Variants in SASH1 observed in about 807,000 individuals in gnomAD.
SASH1 encodes SAM and SH3 domain-containing protein 1.
In SASH1, 44 loss-of-function variants were observed where a neutral mutation model predicts 125.2. The observed-to-expected ratio is 0.35, with a 90% CI of 0.28 to 0.45. The LOEUF (loss-of-function observed/expected upper bound fraction) is 0.45. Among genes scored for constraint, SASH1 ranks in the 20% least tolerant of loss-of-function variants. SASH1 has a pLI of 1.00. For missense variants in SASH1, 1,426 were observed against 1,614.5 expected, an observed-to-expected ratio of 0.88 and a Z score of 2.00; for synonymous variants, 639 against 649.1, an observed-to-expected ratio of 0.98 and a Z score of 0.24.
intron 4 of SASH1, among the ~76,000 whole-genome samples, chr6:148,441,861 T>C (rs1776560595): frequency 1.3e-5 from 2 of 152,226 alleles, no homozygotes; most frequent in African/African-American, 4.8e-5. Context: ...GCATGGCTCT[T>C]GTGGCTGAGA....
intron 8 of SASH1, among the ~76,000 whole-genome samples, chr6:148,507,802 T>A (rs777137085): frequency 3.3e-5 from 5 of 152,182 alleles, no homozygotes; most frequent in Non-Finnish European, 5.9e-5. Flanking sequence ...GCATTATACA[T>A]GAAGACTCAC....
At chr6:148,484,554 G>T (rs1485789654) in intron 7 of SASH1, among the ~76,000 whole-genome samples, 1 of 144,974 alleles carries the variant, frequency 6.9e-6, no homozygotes, top group Admixed American at 6.9e-5. Flanking sequence ...AATTACATGG[G>T]TTTTTTTTTT....
intron 4 of SASH1, among the ~76,000 whole-genome samples, chr6:148,456,341 C>T (rs1172517312): frequency 1.3e-5 from 2 of 152,176 alleles, no homozygotes; most frequent in Admixed American, 6.5e-5. Flanking sequence ...ACCGCCCGAG[C>T]GTGTGGCAGC....
Position 148,495,964 on chromosome 6 carries a change from T to C in SASH1, c.729+8249T>C, listed in dbSNP as rs1779292450. 6.6e-6 allele frequency among the ~76,000 whole-genome samples: 1 copy of C among 151,534 alleles called. No homozygotes were observed. The highest frequency in any genetic ancestry group is 1.5e-5 in the Non-Finnish European group (1 of 67,934). ...GATTCTCCTGCCTCAGCCTCCAGAG[T>C]AGCTGGGATTACAGGCGCACGCCAT... On this transcript the variant is annotated intron_variant, in intron 8 of 19. Transcript: ENST00000367467. This position sits in a 1 kb window ranked among gnomAD's most constrained non-coding sequence, Gnocchi z 4.0.
chr6:148,436,022 T>G (rs2114991473), intron 2 of SASH1, among the ~76,000 whole-genome samples: 1 of 152,316 alleles, frequency 6.6e-6, no homozygotes, highest in East Asian at 1.9e-4. Flanking sequence ...CCATTCCTCA[T>G]TTTGAAAACT....
intron 1 of SASH1, among the ~76,000 whole-genome samples, chr6:148,304,145 A>G (rs1582940605): frequency 6.6e-6 from 1 of 152,186 alleles, no homozygotes; most frequent in African/African-American, 2.4e-5. Context: ...TCTGCTAAAA[A>G]TACAAAAAAA....
At chr6:148,357,090 T>C (rs940241500) in intron 1 of SASH1, among the ~76,000 whole-genome samples, 1 of 152,224 alleles carries the variant, frequency 6.6e-6, no homozygotes, top group Admixed American at 6.5e-5. Context: ...ATTAGTTCTT[T>C]GTTGGGTGTA....
chr6:148,281,185 T>C (rs899389644), intron 1 of SASH1, among the ~76,000 whole-genome samples: 3 of 146,696 alleles, frequency 2.0e-5, no homozygotes, highest in Non-Finnish European at 3.0e-5. Context: ...CTGGATCTCC[T>C]GACCTCAAGT....
intron 4 of SASH1, among the ~76,000 whole-genome samples, chr6:148,452,507 C>G (rs1777146735): frequency 6.6e-6 from 1 of 152,228 alleles, no homozygotes; most frequent in Non-Finnish European, 1.5e-5. Context: ...GGCCTAGGCT[C>G]TGGAGCTGGA....
intron 1 of SASH1, among the ~76,000 whole-genome samples, chr6:148,367,745 C>T (rs552432712): frequency 6.6e-6 from 1 of 152,354 alleles, no homozygotes; most frequent in South Asian, 2.1e-4. Context: ...AGCTGCTGCC[C>T]CCATCCCCCT....
chr6:148,422,079 T>C (rs1017955111), intron 2 of SASH1, among the ~76,000 whole-genome samples: 1 of 151,982 alleles, frequency 6.6e-6, no homozygotes, highest in Non-Finnish European at 1.5e-5. Context: ...AGAGGAAGGG[T>C]TGGCTTTTCA....
chr6:148,205,332 C>G, the SASH1 span, among the ~76,000 whole-genome samples: 1 of 152,144 alleles, frequency 6.6e-6, no homozygotes, highest in African/African-American at 2.4e-5. Context: ...CTGGGCCTTG[C>G]GCTTGGTTGC....
chr6:148,266,192 T>C, the SASH1 span, among the ~76,000 whole-genome samples: 1 of 152,196 alleles, frequency 6.6e-6, no homozygotes, highest in African/African-American at 2.4e-5. Context: ...CAGGCTGGTC[T>C]CGAACTCCTG....
intron 4 of SASH1, among the ~76,000 whole-genome samples, chr6:148,447,645 CCTT>C (rs1442948322): frequency 2.6e-5 from 4 of 151,656 alleles, no homozygotes; most frequent in Non-Finnish European, 5.9e-5. Flanking sequence ...TCCTCCTCCT[CCTT>C]TTCCTCCTCT....
chr6:148,543,932 G>C lies in SASH1; in HGVS notation c.2462G>C (p.Ser821Thr), dbSNP rs1328613860. The C allele has an allele frequency of 6.2e-7, 1 of 1,614,210 alleles. No individual in the cohort carries two copies. Among genetic ancestry groups the C allele is most frequent in the Non-Finnish European group, 8.5e-7 (1 of 1,180,044 alleles). The stretch of plus-strand genomic sequence containing the variant: ...AGCCTCCCAGTTTCCATCTGCCGGA[G>C]CTGTGAGACCCTGGAGGGCCCCCAG... ...RRSLPVSICR[S>T]CETLEGPQTV... is the part of the protein sequence containing the mutation. Residue 821 changes from serine (S) to threonine (T), a missense_variant, in exon 18 of 20, where the codon AGC becomes ACC. Transcript: ENST00000367467.
chr6:148,450,631 G>A lies in SASH1; in HGVS notation c.386+10224G>A, dbSNP rs529007756. ...TCATTGTTGTTAACATCATCATAAC[G>A]TGGCTTCTCGGGTGATGTCTATGTA... On this transcript the variant is annotated intron_variant, in intron 4 of 19. Transcript: ENST00000367467. Among the ~76,000 whole-genome samples, 116 of 150,384 alleles carry A rather than the reference G, an allele frequency of 7.7e-4. 1 individual carries two copies. The highest frequency in any genetic ancestry group is 2.5e-3 in the African/African-American group (102 of 40,900).
intron 8 of SASH1, among the ~76,000 whole-genome samples, chr6:148,488,570 G>A (rs75886918): frequency 0.013 from 1,948 of 152,304 alleles, 41 homozygotes; most frequent in African/African-American, 0.045. Flanking sequence ...TTGAGGAACC[G>A]CCATATGTTT....
chr6:148,271,948 G>C (rs533461147), upstream of SASH1, among the ~76,000 whole-genome samples: 4 of 152,100 alleles, frequency 2.6e-5, no homozygotes, highest in Admixed American at 2.6e-4. Flanking sequence ...GGAGAAAGGG[G>C]CATTTGGATC....
Position 148,508,595 on chromosome 6 carries a change from C to T in SASH1, c.730-5729C>T, listed in dbSNP as rs887225846. On this transcript the variant is annotated intron_variant, in intron 8 of 19. Coordinates refer to ENST00000367467, the MANE Select transcript of SASH1 (RefSeq NM_015278.5). ...GAGCTGATGACTTATGCCTTTCTTG[C>T]GAGTTATGCAGTTAGCAAGCGACTG... is the stretch of plus-strand genomic sequence containing the variant. The T allele has an allele frequency of 1.5e-5, 17 of 1,127,658 alleles. No individual in the cohort carries two copies. The African/African-American group carries it at 1.6e-4, about 11-fold the overall frequency. 69.9% of individuals were successfully genotyped at this position (1,127,658 alleles called of 1,614,324 possible). A position where few individuals can be genotyped will look rare whatever the true frequency, so the allele number is the denominator to read the frequency against.
Sources: gnomAD v4.1 joint callset for allele counts (sites outside exome capture counted in the v4.1 genomes callset) on GRCh38, gnomAD v4.1.1 for gene constraint, Gnocchi (gnomAD v3.1) non-coding constraint, MANE v1.5 for transcripts, NCBI Gene and HGNC (gene_info 2026-07-23, HGNC 2026-07-21) for gene names.